The following CDC42BPA variants were observed in gnomAD, a reference collection of about 807,000 sequenced individuals.
CDC42BPA encodes CDC42 binding protein kinase alpha, also known as serine/threonine-protein kinase MRCK alpha.
CDC42BPA carries 80 observed loss-of-function variants against 223.5 expected under a neutral mutation model. The ratio of observed to expected loss-of-function variants is 0.36; its 90% confidence interval spans 0.30 to 0.43. The LOEUF (loss-of-function observed/expected upper bound fraction) is 0.43. Among genes scored for constraint, CDC42BPA ranks in the 20% least tolerant of loss-of-function variants. The pLI, the probability that CDC42BPA is intolerant of heterozygous loss-of-function variation, is 1.00. For missense variants in CDC42BPA, 1,743 were observed against 2,099.9 expected (o/e 0.83, Z 3.32); for synonymous variants, 694 against 718.6 (o/e 0.97, Z 0.55).
chr1:227,111,401 T>C (rs1482020015), intron 14 of CDC42BPA, among the ~76,000 whole-genome samples: 1 of 152,206 alleles, frequency 6.6e-6, no homozygotes, highest in Non-Finnish European at 1.5e-5. Flanking sequence ...TGAACACTTA[T>C]AATGTGTCAG....
At chr1:227,132,428 C>T (rs368331052) in intron 10 of CDC42BPA, among the ~76,000 whole-genome samples, 1 of 149,358 alleles carries the variant, frequency 6.7e-6, no homozygotes, top group East Asian at 2.0e-4. Context: ...CTCGTTCACT[C>T]AGTGCTCAAT....
chr1:227,047,057 T>C (rs182535146), intron 23 of CDC42BPA, among the ~76,000 whole-genome samples: 1 of 152,272 alleles, frequency 6.6e-6, no homozygotes, highest in Admixed American at 6.5e-5. Context: ...GGTTGTCATA[T>C]ATCTTAACTT....
chr1:227,132,297 G>C (rs894002920), intron 10 of CDC42BPA, among the ~76,000 whole-genome samples: 4 of 152,122 alleles, frequency 2.6e-5, no homozygotes, highest in Admixed American at 2.6e-4. Context: ...CACCTGACTG[G>C]TTTTCGTATT....
At chr1:227,243,648 C>G (rs542042576) in intron 2 of CDC42BPA, among the ~76,000 whole-genome samples, 1 of 152,126 alleles carries the variant, frequency 6.6e-6, no homozygotes, top group South Asian at 2.1e-4. Context: ...ACAAAAATCA[C>G]TAATTATAAG....
chr1:227,277,078 T>TAAAAAAAAAAAAA (rs199895591), intron 1 of CDC42BPA, among the ~76,000 whole-genome samples: 7 of 105,042 alleles, frequency 6.7e-5, no homozygotes, highest in African/African-American at 1.4e-4. Context: ...CAATAAATAC[T>TAAAAAAAAAAAAA]AAAAAAAAAA....
rs185795298 is a variant in CDC42BPA, at chr1:227,133,902, C to G, written c.1391-4671G>C. Among the ~76,000 whole-genome samples the G allele has an allele frequency of 1.7e-4, 26 of 151,988 alleles. No individual in the cohort carries two copies. The East Asian group carries it at 4.8e-3, about 28-fold the overall frequency. On this transcript the variant is annotated intron_variant, in intron 10 of 36. Transcript: ENST00000366766. The stretch of plus-strand genomic sequence containing the variant: ...TGTTTATCTGCTGACATTCCCTCCA[C>G]TATTGTCCTATGACCCTGCCCAATC...
intron 1 of CDC42BPA, among the ~76,000 whole-genome samples, chr1:227,285,750 G>GT (rs1688704587): frequency 6.6e-6 from 1 of 152,110 alleles, no homozygotes. Flanking sequence ...TCACGCTAGT[G>GT]TAAAAAAAGG....
chr1:227,061,063 CT>C (rs1369321398), intron 21 of CDC42BPA, among the ~76,000 whole-genome samples: 3 of 152,108 alleles, frequency 2.0e-5, no homozygotes, highest in African/African-American at 7.2e-5. Flanking sequence ...TGGAAGATAA[CT>C]TGAACACTGT....
chr1:227,253,259 C>CGAGA (rs150466644), intron 2 of CDC42BPA, among the ~76,000 whole-genome samples: 2 of 116,544 alleles, frequency 1.7e-5, no homozygotes, highest in East Asian at 3.9e-4. Flanking sequence ...AGAGAGAGAG[C>CGAGA]GAGAGAGAGC....
intron 5 of CDC42BPA, among the ~76,000 whole-genome samples, chr1:227,186,718 A>G (rs1668832651): frequency 6.6e-6 from 1 of 152,170 alleles, no homozygotes; most frequent in Non-Finnish European, 1.5e-5. Context: ...CAATACATTG[A>G]GAAAAGAAAA....
At chr1:227,275,598 C>T (rs1686809046) in intron 1 of CDC42BPA, among the ~76,000 whole-genome samples, 1 of 151,230 alleles carries the variant, frequency 6.6e-6, no homozygotes, top group African/African-American at 2.4e-5. Context: ...CCTCCCCCTC[C>T]CCCTCTCCCC....
At chr1:227,291,641 T>C (rs887096386) in intron 1 of CDC42BPA, among the ~76,000 whole-genome samples, 4 of 152,154 alleles carry the variant, frequency 2.6e-5, no homozygotes, top group African/African-American at 9.7e-5. Context: ...GATAATACTA[T>C]AGAGCCACTA....
At chr1:227,278,625 C>T (rs1283348381) in intron 1 of CDC42BPA, among the ~76,000 whole-genome samples, 1 of 152,138 alleles carries the variant, frequency 6.6e-6, no homozygotes, top group Non-Finnish European at 1.5e-5. Context: ...TTAAACTTTA[C>T]TGAGAAGTAA....
intron 21 of CDC42BPA, among the ~76,000 whole-genome samples, chr1:227,063,392 GTACATAATT>G (rs1047847475): frequency 2.0e-5 from 3 of 152,174 alleles, no homozygotes; most frequent in African/African-American, 7.2e-5. Context: ...AATCTCAGGA[GTACATAATT>G]TGGCTAATAG....
At chr1:227,298,087 G>GT (rs112464502) in intron 1 of CDC42BPA, among the ~76,000 whole-genome samples, 35 of 148,716 alleles carry the variant, frequency 2.4e-4, no homozygotes, top group Middle Eastern at 3.5e-3. Flanking sequence ...TATATACAAT[G>GT]TTTTTTTTTA....
At chr1:227,136,079 G>A (rs1042117024) in intron 10 of CDC42BPA, among the ~76,000 whole-genome samples, 36 of 151,884 alleles carry the variant, frequency 2.4e-4, no homozygotes, top group Non-Finnish European at 4.1e-4. Flanking sequence ...AGAAAGGCAG[G>A]CTCGCAGAAG....
At chr1:227,048,210 A>C (rs1281026781) in intron 22 of CDC42BPA, among the ~76,000 whole-genome samples, 200 bp from the exon 23 acceptor site, 1 of 152,102 alleles carries the variant, frequency 6.6e-6, no homozygotes, top group Non-Finnish European at 1.5e-5. Context: ...ATATCTACGA[A>C]TGAAATATTT....
At chr1:227,004,881 T>G in intron 35 of CDC42BPA, 113 bp downstream of exon 35, 1 of 814,248 alleles carries the variant, frequency 1.2e-6, no homozygotes, top group Non-Finnish European at 2.2e-6. Flanking sequence ...TGCAGCCACT[T>G]GAGAATGCAA....
At chr1:227,103,317 G>A (rs1685363607) in intron 14 of CDC42BPA, among the ~76,000 whole-genome samples, 1 of 152,084 alleles carries the variant, frequency 6.6e-6, no homozygotes. Flanking sequence ...AATACTTCCA[G>A]ATATTAAAAT....
Sources: gnomAD v4.1 joint callset for allele counts (sites outside exome capture counted in the v4.1 genomes callset) on GRCh38, gnomAD v4.1.1 for gene constraint, MANE v1.5 for transcripts, NCBI Gene and HGNC (gene_info 2026-07-23, HGNC 2026-07-21) for gene names.